Variants in CEP152 observed in about 807,000 individuals in gnomAD.
CEP152 encodes the protein centrosomal protein 152.
A neutral mutation model predicts 188.9 loss-of-function variants in CEP152; 132 were observed. That is an observed-to-expected ratio of 0.70 (90% CI 0.61 to 0.81). CEP152 has a LOEUF of 0.81. Ranked by LOEUF, CEP152 falls within the 30% of genes least tolerant of loss-of-function variation. The pLI is 0.00. For missense variants in CEP152, 1,914 were observed against 1,969.8 expected (o/e 0.97, Z 0.54); for synonymous variants, 649 against 666.6 (o/e 0.97, Z 0.41).
At chr15:48,758,751 G>T (rs1428952265) in intron 19 of CEP152, among the ~76,000 whole-genome samples, 2 of 138,964 alleles carry the variant, frequency 1.4e-5, no homozygotes, top group African/African-American at 5.4e-5. Flanking sequence ...AAATTCCCAG[G>T]ACACCCTCCA....
At chr15:48,796,265 A>G (rs1897285008) in intron 5 of CEP152, 105 bp from the exon 6 acceptor site, 5 of 1,255,620 alleles carry the variant, frequency 4.0e-6, no homozygotes, top group Admixed American at 1.8e-5. Flanking sequence ...TACTTTTGGT[A>G]CAGTTCAAAG....
rs370745843 is a variant in CEP152 at position 48,756,328 on chromosome 15, G to T, written c.2920C>A (p.Gln974Lys). 46 of 1,574,330 alleles carry T rather than the reference G, an allele frequency of 2.9e-5. 1 individual carries two copies. In the African/African-American group the frequency reaches 5.6e-4, roughly 19 times the overall value. The change falls in exon 20 of 27, where the codon CAA (glutamine) becomes AAA (lysine). Residue 974 changes from glutamine to lysine, a missense_variant. Physicochemically the swap from Gln to Lys is moderately conservative, Grantham distance 53 (BLOSUM62 1). Transcript: ENST00000380950. Reference sequence around the variant, plus strand: ...AATTGCCGGTAATCTTGCTCATTTTGTTCTTGGATTCTGTGGATTTCTTCT... The same window carrying T: ...AATTGCCGGTAATCTTGCTCATTTTTTTCTTGGATTCTGTGGATTTCTTCT... Reference protein sequence around the residue: ...KQEEIHRIQEQNEQDYRQFLD... With the variant: ...KQEEIHRIQEKNEQDYRQFLD...
intron 22 of CEP152, among the ~76,000 whole-genome samples, chr15:48,746,715 T>C (rs1217644187): frequency 6.6e-6 from 1 of 152,122 alleles, no homozygotes; most frequent in Non-Finnish European, 1.5e-5. Flanking sequence ...GGAACAGGAC[T>C]TGATCCTTAT....
At chr15:48,797,279 G>A (rs1258306621) in intron 5 of CEP152, 22 bp downstream of exon 5, 1 of 1,613,206 alleles carries the variant, frequency 6.2e-7, no homozygotes, top group African/African-American at 1.3e-5. Context: ...ACAAGTTCTT[G>A]AAAGTCAAGT....
At chr15:48,767,259 C>T (rs1392044933) in intron 16 of CEP152, 67 bp from the exon 17 acceptor site, 11 of 1,613,736 alleles carry the variant, frequency 6.8e-6, no homozygotes, top group Admixed American at 5.0e-5. Context: ...GCATAACAAA[C>T]AATTTTCCTC....
chr15:48,739,295 T>C lies in CEP152; in HGVS notation c.4094-7A>G, dbSNP rs771865021. The C allele has an allele frequency of 4.4e-6, 7 of 1,597,834 alleles. No homozygotes were observed. The highest frequency in any genetic ancestry group is 1.8e-5 in the Admixed American group (1 of 56,794). ...TCTGAAGTTAGGGGCAGTGCTATTA[T>C]GTGCAAGGAAACACGAAATTAAGAG... is the stretch of plus-strand genomic sequence containing the variant. On this transcript the variant is annotated splice_region_variant and splice_polypyrimidine_tract_variant and intron_variant, in intron 26 of 26. Coordinates refer to ENST00000380950, the MANE Select transcript of CEP152 (RefSeq NM_001194998.2).
At chr15:48,775,525 A>G (rs546294602) in intron 12 of CEP152, among the ~76,000 whole-genome samples, 13 of 152,296 alleles carry the variant, frequency 8.5e-5, no homozygotes, top group African/African-American at 3.1e-4. Flanking sequence ...GAAATAGAAG[A>G]ACAATTGGTC....
intron 2 of CEP152, among the ~76,000 whole-genome samples, chr15:48,731,567 CA>C (rs1555413664): frequency 6.6e-6 from 1 of 151,894 alleles, no homozygotes; most frequent in Non-Finnish European, 1.5e-5. Flanking sequence ...ATGTAAAACC[CA>C]AAACCATAAA....
At chr15:48,778,036 C>T (rs1199453574) in intron 12 of CEP152, among the ~76,000 whole-genome samples, 1 of 152,136 alleles carries the variant, frequency 6.6e-6, no homozygotes, top group African/African-American at 2.4e-5. Context: ...GCTGAGAAGA[C>T]CAAAGGGAAA....
intron 17 of CEP152, 78 bp downstream of exon 17, chr15:48,766,982 C>T: frequency 6.3e-7 from 1 of 1,582,230 alleles, no homozygotes; most frequent in Non-Finnish European, 8.6e-7. Context: ...TTCTCTAGAA[C>T]AAATGTATTC....
At position 48,769,057 on chromosome 15, in the gene CEP152, G is replaced by A; in HGVS notation, c.1807C>T (p.Pro603Ser). The part of the protein sequence containing the change: ...VETKTDTSEK[P>S]KNQLWPESST... ...GACTCAGGCCATAATTGATTCTTTG[G>A]TTTTTCTGAGGTATCTGTTTTAGTC... Residue 603 changes from proline to serine, a missense_variant, in exon 14 of 27, where the codon CCA becomes TCA. By Grantham distance (74) the Pro-to-Ser change is moderately conservative. Coordinates refer to ENST00000380950, the MANE Select transcript of CEP152 (RefSeq NM_001194998.2). The A allele has an allele frequency of 6.2e-7, 1 of 1,606,276 alleles. No homozygotes were observed. Among genetic ancestry groups the A allele is most frequent in the Non-Finnish European group, 8.5e-7 (1 of 1,173,664 alleles).
At chr15:48,766,696 G>A (rs189804489) in intron 17 of CEP152, among the ~76,000 whole-genome samples, 365 of 152,112 alleles carry the variant, frequency 2.4e-3, no homozygotes, top group Non-Finnish European at 3.8e-3. Context: ...CGAATGCTCC[G>A]TGCAGCGCTC....
chr15:48,809,528 C>G (rs1430533172), intron 1 of CEP152, among the ~76,000 whole-genome samples: 1 of 152,144 alleles, frequency 6.6e-6, no homozygotes, highest in Non-Finnish European at 1.5e-5. Context: ...AGAAATAAAT[C>G]TTAAAGGACA....
rs145374619 is a variant in CEP152 at position 48,788,584 on chromosome 15, A to C, written c.1173+217T>G. 3.1e-3 allele frequency among the ~76,000 whole-genome samples: 466 copies of C among 151,270 alleles called. 3 individuals carry two copies. The highest frequency in any genetic ancestry group is 0.011 in the African/African-American group (447 of 41,160). ...GATCTTGAACTCCTGACCTCAGGTG[A>C]TCCGCCTGCCTTGGCCTCCCAAAGT... On this transcript the variant is annotated intron_variant, in intron 9 of 26. Transcript: ENST00000380950.
chr15:48,757,625 A>G (rs1214401081), intron 19 of CEP152, among the ~76,000 whole-genome samples: 1 of 152,166 alleles, frequency 6.6e-6, no homozygotes, highest in African/African-American at 2.4e-5. Flanking sequence ...AAAAGACAGA[A>G]CTGGGCATCT....
Position 48,760,237 on chromosome 15 carries a change from C to T in CEP152, c.2592G>A (p.Gln864=). The T allele has an allele frequency of 1.9e-6, 3 of 1,614,032 alleles. No individual in the cohort carries two copies. The highest frequency in any genetic ancestry group is 1.7e-6 in the Non-Finnish European group (2 of 1,179,958). The change falls in exon 19 of 27, where the codon CAG becomes CAA. Residue 864 remains glutamine (Q), a synonymous_variant. Coordinates refer to ENST00000380950, the MANE Select transcript of CEP152 (RefSeq NM_001194998.2). ...QVEIAVQNAH[Q]RWLGELPELA... is the part of the protein sequence containing the mutation. ...GCTCTGGTAGTTCTCCCAGCCATCGCTGATGAGCATTTTGCACAGCTATTT... is the reference window on the plus strand; with the variant it reads ...GCTCTGGTAGTTCTCCCAGCCATCGTTGATGAGCATTTTGCACAGCTATTT...
At position 48,752,338 on chromosome 15, in the gene CEP152, A is replaced by C. The variant is rs1167832058; in HGVS notation, c.3466+11T>G. On this transcript the variant is annotated intron_variant, in intron 21 of 26. Coordinates refer to ENST00000380950, the MANE Select transcript of CEP152 (RefSeq NM_001194998.2). ...ATGCTACAAAGACTGGTGGGAACAA[A>C]ATCCAATTACCAGCTTCTGCTTCTG... is the stretch of plus-strand genomic sequence containing the variant. 2 of 1,614,076 alleles carry C rather than the reference A, an allele frequency of 1.2e-6. No homozygotes were observed. Among genetic ancestry groups the C allele is most frequent in the Non-Finnish European group, 1.7e-6 (2 of 1,180,012 alleles).
intron 19 of CEP152, among the ~76,000 whole-genome samples, chr15:48,757,693 G>A (rs1021784638): frequency 1.2e-4 from 18 of 152,124 alleles, no homozygotes; most frequent in African/African-American, 3.9e-4. Context: ...ATATATGGCT[G>A]GGATGATGGG....
chr15:48,790,902 A>C (rs1595685186), intron 8 of CEP152, among the ~76,000 whole-genome samples: 1 of 152,206 alleles, frequency 6.6e-6, no homozygotes, highest in African/African-American at 2.4e-5. Flanking sequence ...CCCTGCCAAA[A>C]AATGAATCAA....
Sources: allele counts gnomAD v4.1 joint callset (sites outside exome capture counted in the v4.1 genomes callset), GRCh38; gene constraint gnomAD v4.1.1; transcripts MANE v1.5; gene names NCBI Gene and HGNC (gene_info 2026-07-23, HGNC 2026-07-21).